The following ADH5 variants were observed in gnomAD, a reference collection of about 807,000 sequenced individuals.
ADH5 encodes the protein alcohol dehydrogenase 5 (class III), chi polypeptide.
Under a neutral mutation model 40.3 loss-of-function variants are expected in ADH5, and 32 were observed. The observed-to-expected ratio is 0.79, with a 90% CI of 0.60 to 1.07. The LOEUF is 1.07. Among genes scored for constraint, ADH5 ranks in the 50% least tolerant of loss-of-function variants. The pLI, the probability that ADH5 is intolerant of heterozygous loss-of-function variation, is 0.00. For missense variants in ADH5, 353 were observed against 460.5 expected, an observed-to-expected ratio of 0.77 and a Z score of 2.14; for synonymous variants, 125 against 154.3, an observed-to-expected ratio of 0.81 and a Z score of 1.41.
Position 99,088,128 on chromosome 4 carries a change from C to G in ADH5, c.12+561G>C, listed in dbSNP as rs1226320919. Among the ~76,000 whole-genome samples the G allele has an allele frequency of 5.5e-4, 83 of 152,094 alleles. 1 individual carries two copies. Among genetic ancestry groups the G allele is most frequent in the Non-Finnish European group, 1.5e-5 (1 of 68,028 alleles). Reference sequence around the variant, plus strand: ...TAACACCTCGCAGAGGTGTTTGTTACGTGAGGACTAGAGGGAATATAAATC... The same window carrying G: ...TAACACCTCGCAGAGGTGTTTGTTAGGTGAGGACTAGAGGGAATATAAATC... On this transcript the variant is annotated intron_variant, in intron 1 of 8. Coordinates refer to ENST00000296412, the MANE Select transcript of ADH5 (RefSeq NM_000671.4).
At chr4:99,082,320 G>A (rs1253299382) in intron 2 of ADH5, among the ~76,000 whole-genome samples, 1 of 152,082 alleles carries the variant, frequency 6.6e-6, no homozygotes, top group Non-Finnish European at 1.5e-5. Flanking sequence ...TTTTTTAGTG[G>A]TACATAAAAG....
intron 2 of ADH5, among the ~76,000 whole-genome samples, chr4:99,083,541 A>C (rs1728069192): frequency 6.9e-6 from 1 of 144,140 alleles, no homozygotes; most frequent in East Asian, 2.2e-4. Flanking sequence ...CAGGGGTTGC[A>C]GCGAGCCGAG....
At position 99,076,664 on chromosome 4, in the gene ADH5, A is replaced by G. The variant is rs773032893; in HGVS notation, c.564+40T>C. On this transcript the variant is annotated intron_variant, in intron 5 of 8. Transcript: ENST00000296412. Reference sequence around the variant, plus strand: ...TTCCAGGAAAGTTTCACTGAATTAAATTAGAAGGCAGAAGCAAAAAACCCA... The same window carrying G: ...TTCCAGGAAAGTTTCACTGAATTAAGTTAGAAGGCAGAAGCAAAAAACCCA... The G allele has an allele frequency of 1.9e-6, 3 of 1,603,926 alleles. No homozygotes were observed. The South Asian group carries it at 3.4e-5, about 18-fold the overall frequency.
intron 6 of ADH5, chr4:99,075,958 G>A (rs1461038543): frequency 9.8e-6 from 2 of 203,198 alleles, no homozygotes; most frequent in Non-Finnish European, 2.0e-5. Context: ...GAGGTTGAGA[G>A]AAGCTGTTTG....
At chr4:99,075,222 GTTGT>G (rs1727901376) in intron 6 of ADH5, 173 bp from the exon 7 acceptor site, 3 of 404,534 alleles carry the variant, frequency 7.4e-6, no homozygotes, top group Non-Finnish European at 1.2e-5. Flanking sequence ...AATTTTTTTT[GTTGT>G]TTTTTTTTTT....
At chr4:99,088,787 AGGGGG>A in exon 1 of ADH5, 2 of 147,118 alleles carry the variant, frequency 1.4e-5, no homozygotes, top group Non-Finnish European at 2.3e-5. Context: ...GCGCCTAGCG[AGGGGG>A]GCGGGGCGTG....
chr4:99,088,614 C>A, intron 1 of ADH5, 75 bp downstream of exon 1: 2 of 1,433,116 alleles, frequency 1.4e-6, no homozygotes, highest in Non-Finnish European at 1.9e-6. Flanking sequence ...TCGCGCGCCC[C>A]CGAGGATAGC....
At position 99,075,029 on chromosome 4, in the gene ADH5, A is replaced by C; in HGVS notation, c.846T>G (p.Cys282Trp). 1.9e-6 allele frequency: 3 copies of C among 1,612,070 alleles called. No individual in the cohort carries two copies. Among genetic ancestry groups the C allele is most frequent in the Non-Finnish European group, 2.5e-6 (3 of 1,178,654 alleles). Residue 282 changes from cysteine (C) to tryptophan (W), a missense_variant, in exon 7 of 9, where the codon TGT (cysteine) becomes TGG (tryptophan). Transcript: ENST00000296412. The stretch of plus-strand genomic sequence containing the variant: ...CGACGCTGACGCCCCAGCCCTTGTG[A>C]CATGCCTCAAGTGCTGCTCTCTGCA... ...VKVMRAALEA[C>W]HKGWGVSVVV...
At chr4:99,086,939 C>CAAA (rs58359709) in intron 1 of ADH5, among the ~76,000 whole-genome samples, 61 of 64,264 alleles carry the variant, frequency 9.5e-4, no homozygotes, top group African/African-American at 2.3e-3. Context: ...GACTGCGTCT[C>CAAA]AAAAAAAAAA....
At position 99,086,037 on chromosome 4, in the gene ADH5, A is replaced by AAAACAAACAAACAAAC. The variant is rs77642031; in HGVS notation, c.13-837_13-822dup. On this transcript the variant is annotated intron_variant, in intron 1 of 8. Coordinates refer to ENST00000296412, the MANE Select transcript of ADH5 (RefSeq NM_000671.4). The stretch of plus-strand genomic sequence containing the variant: ...GGGCAACAGAGCGAGACATCGTCTC[A>AAAACAAACAAACAAAC]AAACAAACAAACAAACAAACAAAAC... Among the ~76,000 whole-genome samples the AAAACAAACAAACAAAC allele has an allele frequency of 9.0e-3, 1,364 of 150,824 alleles. 14 individuals carry two copies. Among genetic ancestry groups the AAAACAAACAAACAAAC allele is most frequent in the African/African-American group, 0.022 (919 of 40,922 alleles).
intron 7 of ADH5, among the ~76,000 whole-genome samples, chr4:99,073,591 C>G (rs1272664904): frequency 6.6e-6 from 1 of 152,222 alleles, no homozygotes; most frequent in African/African-American, 2.4e-5. Flanking sequence ...AACGATATTT[C>G]AAACCTCTTT....
In ADH5 at chr4:99,082,424, C is replaced by T. The variant is rs28730593; in HGVS notation, c.115-308G>A. On this transcript the variant is annotated intron_variant, in intron 2 of 8. Transcript: ENST00000296412. ...AAGGTAAACAAGGTCATTTTATGGGCACTATGCCTTCAAGCATGGAGAGAA... is the reference window on the plus strand; with the variant it reads ...AAGGTAAACAAGGTCATTTTATGGGTACTATGCCTTCAAGCATGGAGAGAA... Among the ~76,000 whole-genome samples, 1,451 of 152,260 alleles carry T rather than the reference C, an allele frequency of 9.5e-3. 15 individuals are homozygous for T. The highest frequency in any genetic ancestry group is 0.032 in the African/African-American group (1,345 of 41,562).
rs1727840417 is a variant in ADH5, at chr4:99,071,867, CAGATGCCATCCT to C, written c.*538_*549del. ...ATACATTTTAGTGCCCCCTGAAGGG[CAGATGCCATCCT>C]AGGAATTTGGGGTACAGGTATGAAC... On this transcript the variant is annotated 3_prime_UTR_variant, in exon 9 of 9. Transcript: ENST00000296412. 1 of 153,098 alleles carries C rather than the reference CAGATGCCATCCT, an allele frequency of 6.5e-6. No homozygotes were observed. The allele number at this position is 153,098 out of a possible 1,614,324, so 9.5% of individuals were successfully genotyped here.
In ADH5 at chr4:99,072,427, A is replaced by G; in HGVS notation, c.1115T>C (p.Val372Ala). 6 of 1,613,224 alleles carry G rather than the reference A, an allele frequency of 3.7e-6. No homozygotes were observed. Among genetic ancestry groups the G allele is most frequent in the Non-Finnish European group, 5.1e-6 (6 of 1,179,380 alleles). The change falls in exon 9 of 9, where the codon GTA becomes GCA. Residue 372 changes from valine to alanine, a missense_variant. Coordinates refer to ENST00000296412, the MANE Select transcript of ADH5 (RefSeq NM_000671.4). ...TTTTTCTCTTTTGAATTAAATCTTT[A>G]CAACAGTTCGAATGCTGTAAAAGGA... ...MHSGKSIRTVVKI is the reference protein window; with the variant it reads ...MHSGKSIRTVAKI
intron 3 of ADH5, chr4:99,081,746 T>C: frequency 8.5e-6 from 5 of 586,618 alleles, no homozygotes; most frequent in Non-Finnish European, 1.4e-5. Context: ...TATGCCAAAA[T>C]TGGTTTTGGA....
At chr4:99,087,122 G>T (rs1222492975) in intron 1 of ADH5, among the ~76,000 whole-genome samples, 1 of 151,470 alleles carries the variant, frequency 6.6e-6, no homozygotes, top group Non-Finnish European at 1.5e-5. Context: ...AGGGGCTCAC[G>T]CCTGTAATCC....
chr4:99,073,361 G>A (rs542689262), intron 7 of ADH5, among the ~76,000 whole-genome samples: 1 of 152,220 alleles, frequency 6.6e-6, no homozygotes, highest in African/African-American at 2.4e-5. Context: ...TGTATTTTTA[G>A]TAAAGATGGG....
intron 1 of ADH5, among the ~76,000 whole-genome samples, chr4:99,087,201 T>C (rs369899734): frequency 5.9e-5 from 9 of 151,640 alleles, no homozygotes; most frequent in African/African-American, 2.2e-4. Flanking sequence ...CTGGCCACTA[T>C]GGCGAAACCC....
At chr4:99,083,923 C>T (rs1229376311) in intron 2 of ADH5, among the ~76,000 whole-genome samples, 1 of 152,174 alleles carries the variant, frequency 6.6e-6, no homozygotes, top group African/African-American at 2.4e-5. Context: ...TGCCTCTCTC[C>T]AAGGGTAACA....
Sources: allele counts gnomAD v4.1 joint callset (sites outside exome capture counted in the v4.1 genomes callset), GRCh38; gene constraint gnomAD v4.1.1; transcripts MANE v1.5; gene names NCBI Gene and HGNC (gene_info 2026-07-23, HGNC 2026-07-21).